Variants in ATP11A observed in about 807,000 individuals in gnomAD.
ATP11A encodes the protein ATPase phospholipid transporting 11A, also known as phospholipid-transporting ATPase IH.
In ATP11A, 81 loss-of-function variants were observed where a neutral mutation model predicts 154.4. The observed-to-expected ratio is 0.52, with a 90% confidence interval of 0.44 to 0.63. The LOEUF is 0.63. Ranked by LOEUF, ATP11A falls within the 30% of genes least tolerant of loss-of-function variation. The pLI is 0.00. For synonymous variants in ATP11A, 623 were observed against 585.9 expected (o/e 1.06, Z -0.91); for missense variants, 1,316 against 1,474.3 (o/e 0.89, Z 1.76).
At chr13:112,881,002 C>T (rs371260924) in intron 29 of ATP11A, 4 of 990,482 alleles carry the variant, frequency 4.0e-6, no homozygotes, top group Non-Finnish European at 4.8e-6. Flanking sequence ...TGAAATCAAA[C>T]GTGGTTATTG....
intron 1 of ATP11A, among the ~76,000 whole-genome samples, chr13:112,700,808 GC>G (rs1190887573): frequency 6.6e-6 from 1 of 152,182 alleles, no homozygotes; most frequent in Non-Finnish European, 1.5e-5. Context: ...CACCCGCCTC[GC>G]CCTGAGGAGC....
chr13:112,773,832 A>G (rs1449785506), intron 1 of ATP11A, among the ~76,000 whole-genome samples: 1 of 152,142 alleles, frequency 6.6e-6, no homozygotes, highest in Non-Finnish European at 1.5e-5. Flanking sequence ...CGGGGTGTGG[A>G]GAGGTGCACC....
chr13:112,786,671 C>T (rs1159055702), intron 2 of ATP11A, among the ~76,000 whole-genome samples: 4 of 149,116 alleles, frequency 2.7e-5, no homozygotes. Flanking sequence ...AACGCACGTG[C>T]CTGCATTCAG....
chr13:112,733,077 A>G (rs1165075968), intron 1 of ATP11A, among the ~76,000 whole-genome samples: 1 of 152,268 alleles, frequency 6.6e-6, no homozygotes, highest in African/African-American at 2.4e-5. Flanking sequence ...AATACATTTC[A>G]TTGTTAAATT....
At chr13:112,741,493 G>A (rs1309607114) in intron 1 of ATP11A, among the ~76,000 whole-genome samples, 1 of 152,168 alleles carries the variant, frequency 6.6e-6, no homozygotes, top group Admixed American at 6.5e-5. Context: ...GAGAACAATG[G>A]TCCAGCACCA....
intron 2 of ATP11A, among the ~76,000 whole-genome samples, chr13:112,803,295 T>G (rs1296306547): frequency 6.6e-6 from 1 of 152,236 alleles, no homozygotes; most frequent in African/African-American, 2.4e-5. Context: ...CATACCAGGC[T>G]TTAGTTGTTA....
chr13:112,880,550 G>A (rs1253620666), intron 29 of ATP11A: 1 of 1,299,482 alleles, frequency 7.7e-7, no homozygotes, highest in African/African-American at 1.5e-5. Context: ...TTGCAGAGGG[G>A]TGTGAAGCAC....
rs566420702 is a variant in ATP11A, at chr13:112,777,006, C to G, written c.40-8129C>G. ...GCATCGTAGATCTTCTGAAACGCAG[C>G]GTCTTGCCCCTTGAGCCTCTCTGCA... On this transcript the variant is annotated intron_variant, in intron 1 of 29. Transcript: ENST00000375645. Among the ~76,000 whole-genome samples the G allele has an allele frequency of 9.2e-5, 14 of 152,326 alleles. No homozygotes were observed. In the East Asian group the frequency reaches 2.5e-3, roughly 27 times the overall value.
chr13:112,814,977 C>T lies in ATP11A; in HGVS notation c.442-1106C>T, dbSNP rs183360382. 3.0e-3 allele frequency among the ~76,000 whole-genome samples: 462 copies of T among 152,282 alleles called. 2 individuals are homozygous for T. Among genetic ancestry groups the T allele is most frequent in the South Asian group, 3.9e-3 (19 of 4,828 alleles). Reference sequence around the variant, plus strand: ...CTCTGATTTTAAAGTCTCACAAATTCGCAGTGTGCTGTGACCATCGTGTAG... The same window carrying T: ...CTCTGATTTTAAAGTCTCACAAATTTGCAGTGTGCTGTGACCATCGTGTAG... On this transcript the variant is annotated intron_variant, in intron 5 of 29. Transcript: ENST00000375645.
chr13:112,780,186 T>C (rs1168478577), intron 1 of ATP11A, among the ~76,000 whole-genome samples: 1 of 151,864 alleles, frequency 6.6e-6, no homozygotes, highest in African/African-American at 2.4e-5. Context: ...TACTGTAAAA[T>C]CCTCCCTTTT....
chr13:112,829,044 G>C (rs2079022270), intron 12 of ATP11A, among the ~76,000 whole-genome samples: 1 of 152,224 alleles, frequency 6.6e-6, no homozygotes, highest in Non-Finnish European at 1.5e-5. Flanking sequence ...TGTATCCTGT[G>C]TGCTCAGTGC....
At chr13:112,855,205 G>A (rs1190274054) in intron 19 of ATP11A, among the ~76,000 whole-genome samples, 1 of 152,034 alleles carries the variant, frequency 6.6e-6, no homozygotes, top group Non-Finnish European at 1.5e-5. Flanking sequence ...TTTTTTTGTT[G>A]TTTTTTGTTT....
rs986623689 is a variant in ATP11A at position 112,690,655 on chromosome 13, G to A, written c.39+200G>A. ...ACCCTGGGGCTTCCGACGGGGTCTA[G>A]GTGGGCACAGCGCGGGGCCCCAGCC... On this transcript the variant is annotated intron_variant, in intron 1 of 29. Coordinates refer to ENST00000375645, the MANE Select transcript of ATP11A (RefSeq NM_015205.3). The surrounding 1 kb of genome is among the most constrained non-coding windows in gnomAD (Gnocchi z 5.6). Among the ~76,000 whole-genome samples, 3 of 151,914 alleles carry A rather than the reference G, an allele frequency of 2.0e-5. No homozygotes were observed. The highest frequency in any genetic ancestry group is 4.8e-5 in the African/African-American group (2 of 41,400).
At chr13:112,710,964 GCCAC>G (rs56146212) in intron 1 of ATP11A, among the ~76,000 whole-genome samples, 36 of 124,588 alleles carry the variant, frequency 2.9e-4, no homozygotes, top group Middle Eastern at 4.0e-3. Flanking sequence ...ACCACCCGGA[GCCAC>G]CCACCCACCC....
chr13:112,874,110 C>T lies in ATP11A; in HGVS notation c.3161+434C>T, dbSNP rs78269219. 4.1e-3 allele frequency among the ~76,000 whole-genome samples: 632 copies of T among 152,378 alleles called. 2 individuals are homozygous for T. Among genetic ancestry groups the T allele is most frequent in the African/African-American group, 0.014 (601 of 41,584 alleles). ...CAGGCATTCGACAGGTCCTGTCTCA[C>T]TCCATCCTCACGCCCCGCAGCAAGA... On this transcript the variant is annotated intron_variant, in intron 27 of 29. Coordinates refer to ENST00000375645, the MANE Select transcript of ATP11A (RefSeq NM_015205.3).
At chr13:112,707,101 A>T (rs1031556936) in intron 1 of ATP11A, among the ~76,000 whole-genome samples, 1 of 152,190 alleles carries the variant, frequency 6.6e-6, no homozygotes, top group Admixed American at 6.5e-5. Context: ...CTAAACGAGC[A>T]TACAGTGCAG....
intron 21 of ATP11A, 76 bp from the exon 22 acceptor site, chr13:112,858,069 C>T (rs765575007): frequency 4.8e-5 from 76 of 1,582,662 alleles, no homozygotes; most frequent in East Asian, 6.7e-5. Context: ...TGGTTTCATC[C>T]GTTCTTCTCC....
intron 20 of ATP11A, 106 bp downstream of exon 20, chr13:112,856,191 C>T: frequency 8.7e-7 from 1 of 1,150,018 alleles, no homozygotes; most frequent in Non-Finnish European, 1.2e-6. Context: ...TAGCAGGGTA[C>T]CACCTGTTAA....
chr13:112,874,537 G>A (rs550524942), intron 27 of ATP11A, among the ~76,000 whole-genome samples: 16 of 152,320 alleles, frequency 1.1e-4, no homozygotes, highest in Admixed American at 2.6e-4. Context: ...CAGCCCCAGC[G>A]CAGCAGCCTC....
Sources: gnomAD v4.1 joint callset for allele counts (sites outside exome capture counted in the v4.1 genomes callset) on GRCh38, gnomAD v4.1.1 for gene constraint, Gnocchi (gnomAD v3.1) non-coding constraint, MANE v1.5 for transcripts, NCBI Gene and HGNC (gene_info 2026-07-23, HGNC 2026-07-21) for gene names.